KMT2C: variants seen among roughly 807,000 people sequenced by gnomAD.
KMT2C encodes the protein lysine methyltransferase 2C.
A neutral mutation model predicts 507.9 loss-of-function variants in KMT2C; 88 were observed. The observed-to-expected ratio is 0.17, with a 90% CI of 0.15 to 0.21. The LOEUF (loss-of-function observed/expected upper bound fraction) is 0.21. Ranked by LOEUF, KMT2C falls within the 10% of genes least tolerant of loss-of-function variation. The pLI is 1.00. For missense variants in KMT2C, 4,954 were observed against 5,957.8 expected, an observed-to-expected ratio of 0.83 and a Z score of 5.55; for synonymous variants, 2,049 against 2,080.8, an observed-to-expected ratio of 0.98 and a Z score of 0.42.
chr7:152,164,657 CTA>C (rs1310178871), intron 42 of KMT2C, among the ~76,000 whole-genome samples: 1 of 152,152 alleles, frequency 6.6e-6, no homozygotes, highest in Admixed American at 6.5e-5. Context: ...ATTAAAAAGA[CTA>C]AATTTGTTGA....
In KMT2C at chr7:152,177,309, T is replaced by C. The variant is rs2129114587; in HGVS notation, c.8144A>G (p.Glu2715Gly). The C allele has an allele frequency of 1.2e-6, 2 of 1,614,144 alleles. No homozygotes were observed. The highest frequency in any genetic ancestry group is 1.7e-6 in the Non-Finnish European group (2 of 1,180,026). Residue 2715 changes from glutamate (E) to glycine (G), a missense_variant, in exon 38 of 59, where the codon GAA becomes GGA. Glu to Gly is a moderately conservative substitution (Grantham distance 98). This residue lies in a region of KMT2C where 1,689 missense variants were observed against 1,654.3 expected (regional missense o/e 1.02). Coordinates refer to ENST00000262189, the MANE Select transcript of KMT2C (RefSeq NM_170606.3). Reference protein sequence around the residue: ...EGVEVKDLDDEDLENLNLDTE... With the variant: ...EGVEVKDLDDGDLENLNLDTE... Reference sequence around the variant, plus strand: ...ATCTAAATTTAAGTTTTCAAGATCTTCATCATCTAAGTCTTTGACTTCAAC... The same window carrying C: ...ATCTAAATTTAAGTTTTCAAGATCTCCATCATCTAAGTCTTTGACTTCAAC...
intron 1 of KMT2C, among the ~76,000 whole-genome samples, chr7:152,363,442 T>G (rs769437898): frequency 3.9e-5 from 6 of 152,164 alleles, no homozygotes; most frequent in Non-Finnish European, 7.4e-5. Context: ...CATAGGAGAC[T>G]TCTACATAAA....
intron 23 of KMT2C, among the ~76,000 whole-genome samples, chr7:152,210,516 A>G (rs1404966540): frequency 6.6e-6 from 1 of 152,116 alleles, no homozygotes; most frequent in South Asian, 2.1e-4. Flanking sequence ...AACTTTCATA[A>G]AACATTATGA....
chr7:152,322,536 C>T (rs560902571), intron 3 of KMT2C, among the ~76,000 whole-genome samples: 14 of 152,122 alleles, frequency 9.2e-5, no homozygotes, highest in African/African-American at 3.1e-4. Context: ...ATACCCTTGT[C>T]TCACATAACA....
rs530273078 is a variant in KMT2C at position 152,171,417 on chromosome 7, G to C, written c.9375-75C>G. On this transcript the variant is annotated intron_variant, in intron 39 of 58. Transcript: ENST00000262189. ...TTAATATTAATTAAAAACTGTATTAGGTGCTTAACAGTTTTCTCTTCCAGA... is the reference window on the plus strand; with the variant it reads ...TTAATATTAATTAAAAACTGTATTACGTGCTTAACAGTTTTCTCTTCCAGA... The C allele has an allele frequency of 1.3e-5, 12 of 931,760 alleles. No individual in the cohort carries two copies. The South Asian group carries it at 1.5e-4, about 12-fold the overall frequency. 57.7% of individuals were successfully genotyped at this position (931,760 alleles called of 1,614,324 possible).
intron 3 of KMT2C, among the ~76,000 whole-genome samples, chr7:152,317,083 C>A (rs1316053792): frequency 6.6e-6 from 1 of 152,038 alleles, no homozygotes; most frequent in Non-Finnish European, 1.5e-5. Flanking sequence ...GAAAATGGAG[C>A]AATATTTTAA....
intron 1 of KMT2C, among the ~76,000 whole-genome samples, chr7:152,361,016 C>T (rs1428443879): frequency 1.3e-5 from 2 of 152,078 alleles, no homozygotes; most frequent in African/African-American, 2.4e-5. Flanking sequence ...AAACTGAGAA[C>T]AATCCTATTG....
chr7:152,193,552 G>T (rs1563337712), intron 31 of KMT2C, among the ~76,000 whole-genome samples: 1 of 152,148 alleles, frequency 6.6e-6, no homozygotes, highest in Non-Finnish European at 1.5e-5. Context: ...ACCCAAACAG[G>T]TATTATATTT....
chr7:152,310,508 T>C (rs953023252), intron 5 of KMT2C, among the ~76,000 whole-genome samples: 1 of 152,124 alleles, frequency 6.6e-6, no homozygotes, highest in Admixed American at 6.5e-5. Context: ...GAGGTTGCAG[T>C]GAGCTGAGAT....
chr7:152,288,267 C>T (rs546966685), intron 6 of KMT2C, among the ~76,000 whole-genome samples: 1 of 148,400 alleles, frequency 6.7e-6, no homozygotes, highest in South Asian at 2.1e-4. Context: ...GGTGCGGTCG[C>T]TCAGGCCTGT....
chr7:152,256,107 T>C (rs978278414), intron 9 of KMT2C, among the ~76,000 whole-genome samples: 2 of 151,628 alleles, frequency 1.3e-5, no homozygotes, highest in African/African-American at 2.4e-5. Flanking sequence ...GAGGGGGAGG[T>C]TGCAATGACC....
intron 9 of KMT2C, among the ~76,000 whole-genome samples, chr7:152,258,520 CTGTTGTTGT>C (rs890652824): frequency 7.9e-5 from 12 of 151,688 alleles, no homozygotes; most frequent in African/African-American, 2.4e-4. Context: ...GTTGTTGTTG[CTGTTGTTGT>C]TGTTGTTGTT....
intron 2 of KMT2C, among the ~76,000 whole-genome samples, chr7:152,333,554 C>T (rs2096904034): frequency 6.6e-6 from 1 of 152,206 alleles, no homozygotes; most frequent in Admixed American, 6.5e-5. Flanking sequence ...TAACTATACA[C>T]TAGACATACT....
intron 1 of KMT2C, among the ~76,000 whole-genome samples, chr7:152,360,790 G>C (rs1032168853): frequency 2.0e-5 from 3 of 148,988 alleles, no homozygotes; most frequent in African/African-American, 7.4e-5. Flanking sequence ...CAGAAGTTGC[G>C]GTGAGCCGAG....
chr7:152,265,943 C>CAGAAATATA (rs2095851600), intron 7 of KMT2C, among the ~76,000 whole-genome samples: 1 of 152,266 alleles, frequency 6.6e-6, no homozygotes, highest in Non-Finnish European at 1.5e-5. Flanking sequence ...CCATATAAAA[C>CAGAAATATA]AGAAAATATA....
At chr7:152,355,673 G>A (rs548452305) in intron 2 of KMT2C, among the ~76,000 whole-genome samples, 263 of 152,270 alleles carry the variant, frequency 1.7e-3, no homozygotes, top group African/African-American at 6.2e-3. Flanking sequence ...AAAGGTTAAG[G>A]AGGATGAAGA....
At chr7:152,270,671 T>TG (rs1224372511) in intron 7 of KMT2C, among the ~76,000 whole-genome samples, 1 of 152,222 alleles carries the variant, frequency 6.6e-6, no homozygotes, top group Non-Finnish European at 1.5e-5. Context: ...CTTGCATGAT[T>TG]GGCTTTGTGC....
intron 9 of KMT2C, among the ~76,000 whole-genome samples, chr7:152,257,784 C>T (rs1439851169): frequency 6.6e-6 from 1 of 151,872 alleles, no homozygotes; most frequent in Non-Finnish European, 1.5e-5. Flanking sequence ...TTCCCTGGAC[C>T]ACACTGAAAG....
chr7:152,360,620 G>A (rs1048641121), intron 1 of KMT2C, among the ~76,000 whole-genome samples: 8 of 152,002 alleles, frequency 5.3e-5, no homozygotes, highest in Non-Finnish European at 1.0e-4. Flanking sequence ...GATCACCTGA[G>A]GTAGGGAGTT....
Sources: gnomAD v4.1 joint callset for allele counts (sites outside exome capture counted in the v4.1 genomes callset) on GRCh38, gnomAD v4.1.1 for gene constraint, gnomAD v4.1.1 regional missense constraint, MANE v1.5 for transcripts, NCBI Gene and HGNC (gene_info 2026-07-23, HGNC 2026-07-21) for gene names.